Variants in DNAAF11 observed in about 807,000 individuals in gnomAD.
DNAAF11 encodes the protein leucine rich repeat containing 6.
Under a neutral mutation model 60.8 loss-of-function variants are expected in DNAAF11, and 45 were observed. The observed-to-expected ratio is 0.74, with a 90% confidence interval of 0.58 to 0.95. DNAAF11 has a LOEUF of 0.95. Ranked by LOEUF, DNAAF11 falls within the 40% of genes least tolerant of loss-of-function variation. The probability of loss-of-function intolerance (pLI) is 0.00; values close to 1 mark genes in which losing one functional copy is unlikely to be tolerated. For synonymous variants in DNAAF11, 191 were observed against 183.5 expected (o/e 1.04, Z -0.33); for missense variants, 546 against 546.2 (o/e 1.00, Z 0.00).
Position 132,571,886 on chromosome 8 carries a change from C to T in DNAAF11, c.*420G>A, listed in dbSNP as rs1814228264. On this transcript the variant is annotated 3_prime_UTR_variant, in exon 12 of 12. Coordinates refer to ENST00000620350, the MANE Select transcript of DNAAF11 (RefSeq NM_012472.6). ...CATCATGGGAAGGAAAATGGAAATGCTGTTTAAAATCATATTAAAGTATTC... is the reference window on the plus strand; with the variant it reads ...CATCATGGGAAGGAAAATGGAAATGTTGTTTAAAATCATATTAAAGTATTC... The T allele has an allele frequency of 6.5e-6, 1 of 154,246 alleles. No individual in the cohort carries two copies. The highest frequency in any genetic ancestry group is 1.4e-5 in the Non-Finnish European group (1 of 69,556). The allele number at this position is 154,246 out of a possible 1,614,324, so 9.6% of individuals were successfully genotyped here. A position where few individuals can be genotyped will look rare whatever the true frequency, so the allele number is the denominator to read the frequency against.
chr8:132,681,200 G>A, the DNAAF11 span, among the ~76,000 whole-genome samples: 1 of 151,004 alleles, frequency 6.6e-6, no homozygotes, highest in Non-Finnish European at 1.5e-5. Context: ...AGTAGATATG[G>A]GGTTTCTCCA....
chr8:132,686,676 G>A, the DNAAF11 span, among the ~76,000 whole-genome samples: 1 of 152,108 alleles, frequency 6.6e-6, no homozygotes, highest in Non-Finnish European at 1.5e-5. Flanking sequence ...ATAGAGGGAA[G>A]TGGGGATGTT....
chr8:132,620,657 A>G (rs1159522328), intron 7 of DNAAF11, among the ~76,000 whole-genome samples: 3 of 152,148 alleles, frequency 2.0e-5, no homozygotes, highest in African/African-American at 4.8e-5. Flanking sequence ...TCTGTGATGA[A>G]CCATAAAACT....
rs755014554 is a variant in DNAAF11 at position 132,572,368 on chromosome 8, T to C, written c.1339A>G (p.Ile447Val). 2 of 1,614,066 alleles carry C rather than the reference T, an allele frequency of 1.2e-6. No homozygotes were observed. The highest frequency in any genetic ancestry group is 1.7e-6 in the Non-Finnish European group (2 of 1,179,958). Residue 447 changes from isoleucine to valine, a missense_variant, in exon 12 of 12, where the codon ATT (isoleucine) becomes GTT (valine). By Grantham distance (29) the Ile-to-Val change is conservative (BLOSUM62 3). Transcript: ENST00000620350. Reference sequence around the variant, plus strand: ...GTTGGGTCTTCCTCACTTGGTATAATTTTGGGTTCAGGTCGTCTTCTGGGT... The same window carrying C: ...GTTGGGTCTTCCTCACTTGGTATAACTTTGGGTTCAGGTCGTCTTCTGGGT... ...HTPRRRPEPKIIPSEEDPTFE... is the reference protein window; with the variant it reads ...HTPRRRPEPKVIPSEEDPTFE...
intron 5 of DNAAF11, 96 bp from the exon 6 acceptor site, chr8:132,625,550 G>T (rs1278112559): frequency 1.1e-6 from 1 of 909,638 alleles, no homozygotes; most frequent in Non-Finnish European, 1.6e-6. Context: ...TTTCTTATGT[G>T]ATCTTCTTAC....
chr8:132,630,292 G>A (rs1820671359), intron 5 of DNAAF11, among the ~76,000 whole-genome samples: 1 of 152,182 alleles, frequency 6.6e-6, no homozygotes, highest in Non-Finnish European at 1.5e-5. Context: ...AGTCTAGAGA[G>A]CTCAGAGATG....
chr8:132,702,681 A>C, the DNAAF11 span, among the ~76,000 whole-genome samples: 1 of 152,206 alleles, frequency 6.6e-6, no homozygotes, highest in Non-Finnish European at 1.5e-5. Context: ...AACTTGTTTA[A>C]TCTCATAAAA....
At chr8:132,638,829 A>C (rs1227349635) in intron 3 of DNAAF11, among the ~76,000 whole-genome samples, 5 of 152,192 alleles carry the variant, frequency 3.3e-5, no homozygotes, top group Admixed American at 2.0e-4. Flanking sequence ...TCTAAATTTG[A>C]ATTTGAATTA....
chr8:132,620,186 G>A (rs911769260), intron 7 of DNAAF11, among the ~76,000 whole-genome samples: 1 of 152,072 alleles, frequency 6.6e-6, no homozygotes, highest in African/African-American at 2.4e-5. Context: ...AAGTAGAGGT[G>A]AATGGTCTCC....
chr8:132,591,831 A>T (rs1816498479), intron 10 of DNAAF11, among the ~76,000 whole-genome samples: 1 of 152,140 alleles, frequency 6.6e-6, no homozygotes, highest in South Asian at 2.1e-4. Flanking sequence ...TTAGATTGTA[A>T]ATAATGAAAT....
chr8:132,577,714 G>A (rs544726539), intron 11 of DNAAF11, among the ~76,000 whole-genome samples: 3 of 152,184 alleles, frequency 2.0e-5, no homozygotes, highest in South Asian at 4.1e-4. Context: ...GCTGGAGTGC[G>A]GTGGTGCAAT....
At chr8:132,679,175 A>G (rs1825829881), upstream of DNAAF11, among the ~76,000 whole-genome samples, 1 of 152,246 alleles carries the variant, frequency 6.6e-6, no homozygotes, top group South Asian at 2.1e-4. Context: ...TTAATTCTAT[A>G]CTGCATCATT....
intron 2 of DNAAF11, 63 bp downstream of exon 2, chr8:132,661,397 C>T: frequency 7.4e-7 from 1 of 1,360,172 alleles, no homozygotes; most frequent in Non-Finnish European, 1.0e-6. Context: ...TAACACAGCA[C>T]TTTCCAAAGT....
In DNAAF11 at chr8:132,656,756, G is replaced by T. The variant is rs895711242; in HGVS notation, c.256+74C>A. On this transcript the variant is annotated intron_variant, in intron 3 of 11. Transcript: ENST00000620350. ...CAAAGTGCTGGGATTACAGGCGTGAGCCACTGCACCTGGCCTTCTAACTTA... is the reference window on the plus strand; with the variant it reads ...CAAAGTGCTGGGATTACAGGCGTGATCCACTGCACCTGGCCTTCTAACTTA... The T allele has an allele frequency of 8.3e-5, 55 of 665,318 alleles. No individual in the cohort carries two copies. In the Middle Eastern group the frequency reaches 1.4e-3, roughly 17 times the overall value. 41.2% of individuals were successfully genotyped at this position (665,318 alleles called of 1,614,324 possible).
the DNAAF11 span, chr8:132,687,631 C>CA: frequency 3.4e-3 from 1,541 of 456,214 alleles, 34 homozygotes; most frequent in South Asian, 0.023. Flanking sequence ...AATCCTCACC[C>CA]ATCGTGTGGT....
At chr8:132,623,096 A>C (rs1819920642) in intron 6 of DNAAF11, among the ~76,000 whole-genome samples, 1 of 152,202 alleles carries the variant, frequency 6.6e-6, no homozygotes. Context: ...TAACATACCA[A>C]GTAGAATCTA....
intron 2 of DNAAF11, among the ~76,000 whole-genome samples, chr8:132,658,637 T>G (rs1823826266): frequency 6.6e-6 from 1 of 152,198 alleles, no homozygotes; most frequent in African/African-American, 2.4e-5. Flanking sequence ...GAGGTTTCTA[T>G]GTGCTAAGAA....
At chr8:132,647,690 G>A (rs371105813) in intron 3 of DNAAF11, among the ~76,000 whole-genome samples, 45 of 152,226 alleles carry the variant, frequency 3.0e-4, no homozygotes, top group East Asian at 2.3e-3. Context: ...TATCACCACC[G>A]ATCCCACAGA....
chr8:132,587,316 A>G (rs1403219265), intron 10 of DNAAF11, among the ~76,000 whole-genome samples: 1 of 152,194 alleles, frequency 6.6e-6, no homozygotes, highest in African/African-American at 2.4e-5. Flanking sequence ...TAAAAGTTAG[A>G]AGGAATTAAG....
Sources: gnomAD v4.1 joint callset for allele counts (sites outside exome capture counted in the v4.1 genomes callset) on GRCh38, gnomAD v4.1.1 for gene constraint, MANE v1.5 for transcripts, NCBI Gene and HGNC (gene_info 2026-07-23, HGNC 2026-07-21) for gene names.